OPRM1: variants seen among roughly 807,000 people sequenced by gnomAD.
OPRM1 encodes the protein opioid receptor mu 1, also known as mu-type opioid receptor.
In OPRM1, 27 loss-of-function variants were observed where a neutral mutation model predicts 31.8. The observed-to-expected ratio is 0.85, with a 90% CI of 0.63 to 1.17. OPRM1 has a LOEUF of 1.17. Ranked by LOEUF, OPRM1 falls within the 50% of genes most tolerant of loss-of-function variation. The probability of loss-of-function intolerance (pLI) is 0.00; values close to 1 mark genes in which losing one functional copy is unlikely to be tolerated. For synonymous variants in OPRM1, 196 were observed against 189.9 expected (o/e 1.03, Z -0.26); for missense variants, 536 against 511.1 (o/e 1.05, Z -0.47).
chr6:154,228,586 C>T (rs1053241655), intron 3 of OPRM1, among the ~76,000 whole-genome samples: 3 of 152,152 alleles, frequency 2.0e-5, no homozygotes, highest in African/African-American at 7.2e-5. Flanking sequence ...TGGAGTGTCA[C>T]GTACAGTTGC....
chr6:154,101,257 CTCT>C (rs1233525259), intron 3 of OPRM1, among the ~76,000 whole-genome samples: 2 of 152,098 alleles, frequency 1.3e-5, no homozygotes, highest in African/African-American at 4.8e-5. Context: ...CTCACTCTTA[CTCT>C]TCTTCATTCT....
intron 3 of OPRM1, among the ~76,000 whole-genome samples, chr6:154,188,107 C>T (rs1801542574): frequency 6.6e-6 from 1 of 151,980 alleles, no homozygotes; most frequent in South Asian, 2.1e-4. Flanking sequence ...TGATCATATA[C>T]ATAAAAAAAT....
chr6:154,058,930 C>A (rs1327739694), intron 1 of OPRM1, among the ~76,000 whole-genome samples: 1 of 152,134 alleles, frequency 6.6e-6, no homozygotes, highest in Non-Finnish European at 1.5e-5. Context: ...ATTTGTCCAA[C>A]TAGTAAATGA....
At chr6:154,138,268 T>C (rs1798109271) in intron 3 of OPRM1, among the ~76,000 whole-genome samples, 1 of 151,988 alleles carries the variant, frequency 6.6e-6, no homozygotes, top group Non-Finnish European at 1.5e-5. Context: ...AGTCACGCAG[T>C]TTTTTAACAA....
upstream of OPRM1, chr6:154,039,058 G>T (rs538564934): frequency 5.1e-5 from 69 of 1,342,764 alleles, 1 homozygote; most frequent in African/African-American, 9.0e-4. Context: ...AGAAAAAGGC[G>T]CTGGAAAATT....
intron 3 of OPRM1, among the ~76,000 whole-genome samples, chr6:154,241,796 T>A (rs1176429097): frequency 6.6e-6 from 1 of 152,118 alleles, no homozygotes; most frequent in Admixed American, 6.6e-5. Context: ...GAGCTCACCT[T>A]CCGGCTCAAG....
intron 1 of OPRM1, among the ~76,000 whole-genome samples, chr6:154,059,070 A>C (rs1360820314): frequency 1.3e-5 from 2 of 152,308 alleles, no homozygotes; most frequent in East Asian, 3.9e-4. Context: ...GCTGACAGGT[A>C]TATTAAGGTA....
downstream of OPRM1, among the ~76,000 whole-genome samples, chr6:154,136,150 G>A (rs1798054710): frequency 6.6e-6 from 1 of 152,084 alleles, no homozygotes; most frequent in African/African-American, 2.4e-5. Flanking sequence ...TGAATTTGTT[G>A]GGTCCTGGCC....
intron 3 of OPRM1, among the ~76,000 whole-genome samples, chr6:154,228,918 G>T (rs893397833): frequency 1.3e-5 from 2 of 152,160 alleles, no homozygotes; most frequent in Admixed American, 6.5e-5. Flanking sequence ...CAGAGTAAAG[G>T]GTTCCAAGGT....
At position 154,090,039 on chromosome 6, in the gene OPRM1, C is replaced by T; in HGVS notation, c.504C>T (p.Tyr168=). The change falls in exon 2 of 4, where the codon TAC becomes TAT. Residue 168 remains tyrosine, a synonymous_variant. Transcript: ENST00000330432. ...FTLCTMSVDR[Y]IAVCHPVKAL... ...TCTGCACCATGAGTGTTGATCGATA[C>T]ATTGCAGTCTGCCACCCTGTCAAGG... 1 of 1,613,968 alleles carries T rather than the reference C, an allele frequency of 6.2e-7. No homozygotes were observed. The highest frequency in any genetic ancestry group is 8.5e-7 in the Non-Finnish European group (1 of 1,179,866).
At chr6:154,241,379 C>A (rs986567140) in intron 3 of OPRM1, among the ~76,000 whole-genome samples, 1 of 151,498 alleles carries the variant, frequency 6.6e-6, no homozygotes, top group Non-Finnish European at 1.5e-5. Context: ...CTAAAAAACA[C>A]AAGTATCTAA....
intron 3 of OPRM1, among the ~76,000 whole-genome samples, chr6:154,179,486 A>G (rs1381256015): frequency 6.6e-6 from 1 of 152,178 alleles, no homozygotes; most frequent in Non-Finnish European, 1.5e-5. Context: ...CGGGAGCCAA[A>G]TTAATTATTT....
At chr6:154,167,821 C>G in intron 3 of OPRM1, 1 of 884,422 alleles carries the variant, frequency 1.1e-6, no homozygotes, top group East Asian at 2.5e-5. Context: ...TTCCCTGCAA[C>G]CACACAAACA....
chr6:154,109,187 C>A (rs1327823665), intron 3 of OPRM1, among the ~76,000 whole-genome samples: 6 of 152,106 alleles, frequency 3.9e-5, no homozygotes, highest in Non-Finnish European at 8.8e-5. Context: ...CTCATGATTA[C>A]CCTGGGAAAT....
Position 154,126,907 on chromosome 6 carries a change from C to G in OPRM1, c.*8186C>G, listed in dbSNP as rs1245005398. ...CGGGCGGAACACAAGGTCAGGAGAT[C>G]AAGACCATCCTGGCCAATATGGTAA... On this transcript the variant is annotated 3_prime_UTR_variant, in exon 4 of 4. Transcript: ENST00000330432. 1.3e-5 allele frequency among the ~76,000 whole-genome samples: 2 copies of G among 152,092 alleles called. No individual in the cohort carries two copies. Among genetic ancestry groups the G allele is most frequent in the East Asian group, 3.9e-4 (2 of 5,184 alleles).
chr6:154,077,641 G>T (rs1418993474), intron 1 of OPRM1, among the ~76,000 whole-genome samples: 2 of 151,836 alleles, frequency 1.3e-5, no homozygotes, highest in African/African-American at 4.8e-5. Context: ...TGAGGCAGGA[G>T]AATCATTTGA....
chr6:154,196,367 T>C (rs1776624703), intron 3 of OPRM1, among the ~76,000 whole-genome samples: 1 of 152,220 alleles, frequency 6.6e-6, no homozygotes, highest in Non-Finnish European at 1.5e-5. Flanking sequence ...GTCACTTTCC[T>C]GAAACATCAT....
chr6:154,030,865 A>G (rs775279960), intron 1 of OPRM1, among the ~76,000 whole-genome samples: 1 of 152,236 alleles, frequency 6.6e-6, no homozygotes, highest in Non-Finnish European at 1.5e-5. Context: ...ATTAAAATAC[A>G]TGGACTGCTT....
At chr6:154,207,141 A>G (rs1339989651) in intron 3 of OPRM1, among the ~76,000 whole-genome samples, 1 of 152,230 alleles carries the variant, frequency 6.6e-6, no homozygotes, top group Non-Finnish European at 1.5e-5. Flanking sequence ...GAGGGCCTCA[A>G]CTAGGCAGTG....
Sources: allele counts gnomAD v4.1 joint callset (sites outside exome capture counted in the v4.1 genomes callset), GRCh38; gene constraint gnomAD v4.1.1; transcripts MANE v1.5; gene names NCBI Gene and HGNC (gene_info 2026-07-23, HGNC 2026-07-21).